Variants in CTNNA2 observed in about 807,000 individuals in gnomAD.
CTNNA2 encodes catenin alpha 2.
Under a neutral mutation model 101.0 loss-of-function variants are expected in CTNNA2, and 42 were observed. That is an observed-to-expected ratio of 0.42 (90% CI 0.32 to 0.54). The LOEUF (loss-of-function observed/expected upper bound fraction) is 0.54, where lower values mean the gene tolerates loss of function less well. Ranked by LOEUF, CTNNA2 falls within the 20% of genes least tolerant of loss-of-function variation. CTNNA2 has a pLI of 0.14. For missense variants in CTNNA2, 871 were observed against 1,223.1 expected (o/e 0.71, Z 4.29); for synonymous variants, 450 against 456.4 (o/e 0.99, Z 0.18).
chr2:80,166,786 G>T (rs1474306759), intron 7 of CTNNA2, among the ~76,000 whole-genome samples: 1 of 152,126 alleles, frequency 6.6e-6, no homozygotes, highest in South Asian at 2.1e-4. Context: ...CTGGGAAGCT[G>T]GTGTCATAGT....
intron 3 of CTNNA2, among the ~76,000 whole-genome samples, chr2:79,347,658 G>T (rs959085750): frequency 1.3e-5 from 2 of 151,850 alleles, no homozygotes; most frequent in African/African-American, 4.8e-5. Context: ...TGTACATACT[G>T]ACTGGCCTCA....
intron 2 of CTNNA2, among the ~76,000 whole-genome samples, chr2:79,710,187 T>C (rs1228497335): frequency 6.6e-6 from 1 of 152,090 alleles, no homozygotes; most frequent in Non-Finnish European, 1.5e-5. Context: ...TAGTTACATT[T>C]CTTCTAAACC....
intron 4 of CTNNA2, among the ~76,000 whole-genome samples, chr2:79,860,334 G>C (rs1021079688): frequency 3.3e-5 from 5 of 152,016 alleles, no homozygotes; most frequent in Non-Finnish European, 7.4e-5. Context: ...AGTGATGATG[G>C]GCTGAATATC....
chr2:79,857,930 T>G, intron 3 of CTNNA2, 83 bp from the exon 4 acceptor site: 1 of 1,395,030 alleles, frequency 7.2e-7, no homozygotes, highest in Non-Finnish European at 1.0e-6. Context: ...ATAAAAACAG[T>G]AATTGTCCAT....
intron 4 of CTNNA2, among the ~76,000 whole-genome samples, chr2:79,384,637 A>G (rs938190502): frequency 3.9e-5 from 6 of 152,178 alleles, no homozygotes; most frequent in Non-Finnish European, 8.8e-5. Flanking sequence ...TTACTTTGAA[A>G]TCTTCAAAAG....
At chr2:79,910,947 T>TA (rs559745387) in intron 7 of CTNNA2, among the ~76,000 whole-genome samples, 3 of 151,980 alleles carry the variant, frequency 2.0e-5, no homozygotes, top group Non-Finnish European at 4.4e-5. Context: ...CCTAACAAAC[T>TA]AAAAAAAACA....
At chr2:80,360,860 A>G (rs1559043329) in intron 7 of CTNNA2, among the ~76,000 whole-genome samples, 1 of 152,126 alleles carries the variant, frequency 6.6e-6, no homozygotes, top group Non-Finnish European at 1.5e-5. Flanking sequence ...CTAAACCACT[A>G]ACTTGAATAT....
At chr2:80,483,697 A>G (rs1686324799) in intron 9 of CTNNA2, among the ~76,000 whole-genome samples, 1 of 152,202 alleles carries the variant, frequency 6.6e-6, no homozygotes, top group Admixed American at 6.5e-5. Flanking sequence ...CCAAAAACTT[A>G]TTTTAAATGA....
chr2:79,375,773 C>G (rs536277444), intron 4 of CTNNA2, among the ~76,000 whole-genome samples: 1 of 152,232 alleles, frequency 6.6e-6, no homozygotes, highest in African/African-American at 2.4e-5. Context: ...ACATATGAGC[C>G]ACTTCAAACA....
intron 7 of CTNNA2, among the ~76,000 whole-genome samples, chr2:80,335,383 G>C (rs988114952): frequency 6.6e-6 from 1 of 152,156 alleles, no homozygotes; most frequent in African/African-American, 2.4e-5. Context: ...TAAGAAAGAG[G>C]AGTGAGGAGG....
At chr2:80,150,763 A>G (rs950094480) in intron 7 of CTNNA2, among the ~76,000 whole-genome samples, 1 of 152,090 alleles carries the variant, frequency 6.6e-6, no homozygotes, top group African/African-American at 2.4e-5. Flanking sequence ...CAAAAACTTC[A>G]CCTGTTTTCC....
intron 2 of CTNNA2, among the ~76,000 whole-genome samples, chr2:79,278,436 A>G (rs1343088551): frequency 1.3e-5 from 2 of 152,034 alleles, no homozygotes; most frequent in African/African-American, 4.8e-5. Context: ...ATTGTATTGT[A>G]GGGACAGCAA....
At position 79,636,294 on chromosome 2, in the gene CTNNA2, A is replaced by AAAG. The variant is rs1553441390; in HGVS notation, c.-5-15256_-5-15255insGAA. 1.5e-3 allele frequency among the ~76,000 whole-genome samples: 191 copies of AAAG among 131,614 alleles called. 7 individuals are homozygous for AAAG. Among genetic ancestry groups the AAAG allele is most frequent in the African/African-American group, 5.2e-3 (171 of 32,988 alleles). 86.3% of individuals were successfully genotyped at this position (131,614 alleles called of 152,430 possible). A position where few individuals can be genotyped will look rare whatever the true frequency, so the allele number is the denominator to read the frequency against. ...CAAAAAAAAAAAAAAAAAAAAAAAAAAAAAAGGAAGAAAAAGAAAAGAAAT... is the reference window on the plus strand; with the variant it reads ...CAAAAAAAAAAAAAAAAAAAAAAAAAAAGAAAAAGGAAGAAAAAGAAAAGAAAT... On this transcript the variant is annotated intron_variant, in intron 1 of 18. Transcript: ENST00000402739.
intron 1 of CTNNA2, among the ~76,000 whole-genome samples, chr2:79,607,253 A>G (rs1357530759): frequency 6.6e-6 from 1 of 151,768 alleles, no homozygotes; most frequent in Admixed American, 6.6e-5. Context: ...AAAGCATTAG[A>G]ATATGTGGCA....
chr2:80,425,164 C>A (rs2149415968), intron 9 of CTNNA2, among the ~76,000 whole-genome samples: 1 of 152,274 alleles, frequency 6.6e-6, no homozygotes, highest in East Asian at 1.9e-4. Context: ...GTTTTGACAT[C>A]TTTGGCAGCT....
At chr2:80,037,775 C>G (rs897442682) in intron 7 of CTNNA2, among the ~76,000 whole-genome samples, 2 of 152,076 alleles carry the variant, frequency 1.3e-5, no homozygotes, top group African/African-American at 4.8e-5. Context: ...TATTGTCATT[C>G]ATTCTGTAAC....
At chr2:80,611,919 A>ATAAATT in intron 17 of CTNNA2, among the ~76,000 whole-genome samples, 1 of 151,738 alleles carries the variant, frequency 6.6e-6, no homozygotes, top group East Asian at 1.9e-4. Flanking sequence ...TTATGGCCAA[A>ATAAATT]TGTACACAAA....
At chr2:79,393,618 T>G (rs1182323070) in intron 4 of CTNNA2, among the ~76,000 whole-genome samples, 1 of 125,360 alleles carries the variant, frequency 8.0e-6, no homozygotes, top group South Asian at 2.5e-4. Flanking sequence ...TAAAAGAAGA[T>G]GTTCACAGAG....
intron 7 of CTNNA2, among the ~76,000 whole-genome samples, chr2:80,230,100 A>G (rs150435751): frequency 6.6e-6 from 1 of 152,310 alleles, no homozygotes; most frequent in East Asian, 1.9e-4. Flanking sequence ...AGCCTAGGCA[A>G]GTAGTAGGCT....
Sources: gnomAD v4.1 joint callset for allele counts (sites outside exome capture counted in the v4.1 genomes callset) on GRCh38, gnomAD v4.1.1 for gene constraint, MANE v1.5 for transcripts, NCBI Gene and HGNC (gene_info 2026-07-23, HGNC 2026-07-21) for gene names.